The following GOLM2 variants were observed in gnomAD, a reference collection of about 807,000 sequenced individuals.
The protein encoded by GOLM2 is protein GOLM2.
A neutral mutation model predicts 55.9 loss-of-function variants in GOLM2; 26 were observed. The observed-to-expected ratio is 0.47, with a 90% CI of 0.34 to 0.65. The LOEUF (loss-of-function observed/expected upper bound fraction) is 0.65, where lower values mean the gene tolerates loss of function less well. Among genes scored for constraint, GOLM2 ranks in the 30% least tolerant of loss-of-function variants. The pLI is 0.01. For synonymous variants in GOLM2, 165 were observed against 194.6 expected, an observed-to-expected ratio of 0.85 and a Z score of 1.27; for missense variants, 486 against 531.8, an observed-to-expected ratio of 0.91 and a Z score of 0.85.
intron 6 of GOLM2, among the ~76,000 whole-genome samples, chr15:44,340,204 C>A (rs142878093): frequency 5.3e-4 from 81 of 152,166 alleles, no homozygotes; most frequent in African/African-American, 1.9e-3. Flanking sequence ...CGTGATCCTC[C>A]CAAAGTGCTA....
chr15:44,318,103 C>A (rs1425681693), intron 1 of GOLM2, among the ~76,000 whole-genome samples: 2 of 152,184 alleles, frequency 1.3e-5, no homozygotes, highest in Non-Finnish European at 2.9e-5. Context: ...CAGCCACATA[C>A]AATATGTAAA....
rs1002270441 is a variant in GOLM2 at position 44,383,223 on chromosome 15, G to A, written c.1072+2247G>A. On this transcript the variant is annotated intron_variant, in intron 8 of 9. Coordinates refer to ENST00000299957, the MANE Select transcript of GOLM2 (RefSeq NM_138423.4). ...CTCCTCTCATTGTTTAGATCATTTC[G>A]TATTTTCTCATTGTAGCTGTCATGA... 7.3e-4 allele frequency among the ~76,000 whole-genome samples: 110 copies of A among 151,656 alleles called. 1 individual carries two copies. Among genetic ancestry groups the A allele is most frequent in the Middle Eastern group, 3.4e-3 (1 of 292 alleles).
chr15:44,342,166 C>G (rs757631736), intron 6 of GOLM2, among the ~76,000 whole-genome samples: 8 of 151,580 alleles, frequency 5.3e-5, no homozygotes, highest in South Asian at 2.1e-4. Context: ...GTAAATTGAT[C>G]GTTAATGTAA....
chr15:44,325,527 C>T (rs1273062372), intron 2 of GOLM2, among the ~76,000 whole-genome samples: 1 of 152,154 alleles, frequency 6.6e-6, no homozygotes, highest in Non-Finnish European at 1.5e-5. Context: ...TACAGCATAG[C>T]CTGAATCAGA....
In GOLM2 at chr15:44,380,799, G is replaced by A; in HGVS notation, c.902-7G>A. Reference sequence around the variant, plus strand: ...TATTCTTTTAATTTGATGTTTTTATGCCACAGATTCACACATAAACCACAA... The same window carrying A: ...TATTCTTTTAATTTGATGTTTTTATACCACAGATTCACACATAAACCACAA... On this transcript the variant is annotated splice_region_variant and splice_polypyrimidine_tract_variant and intron_variant, in intron 7 of 9. Transcript: ENST00000299957. 1 of 1,462,706 alleles carries A rather than the reference G, an allele frequency of 6.8e-7. No homozygotes were observed. The allele number at this position is 1,462,706 out of a possible 1,614,324, so 90.6% of individuals were successfully genotyped here.
intron 9 of GOLM2, among the ~76,000 whole-genome samples, chr15:44,409,343 T>C (rs1217315649): frequency 1.3e-5 from 2 of 150,074 alleles, no homozygotes; most frequent in Non-Finnish European, 3.0e-5. Flanking sequence ...ATCTAGCACT[T>C]TGGGAGGCCG....
intron 9 of GOLM2, 48 bp from the exon 10 acceptor site, chr15:44,413,288 C>A (rs1329275431): frequency 7.4e-7 from 1 of 1,359,632 alleles, no homozygotes; most frequent in Non-Finnish European, 1.0e-6. Flanking sequence ...TGGATTTCTG[C>A]AGTGATTTAA....
At chr15:44,315,401 C>T (rs1390725751) in intron 1 of GOLM2, among the ~76,000 whole-genome samples, 2 of 152,094 alleles carry the variant, frequency 1.3e-5, no homozygotes, top group Non-Finnish European at 1.5e-5. Context: ...TCAAGGTTCC[C>T]CCAAATGGAA....
chr15:44,379,912 TA>T lies in GOLM2; in HGVS notation c.901+125del, dbSNP rs1056508677. The T allele has an allele frequency of 4.8e-5, 24 of 499,996 alleles. No individual in the cohort carries two copies. The Admixed American group carries it at 6.2e-4, about 13-fold the overall frequency. 31.0% of individuals were successfully genotyped at this position (499,996 alleles called of 1,614,324 possible). Reference sequence around the variant, plus strand: ...TAGCATTTATTCTTTGAGGTAATGTTATTTTTTTTTAGACTAGTAAAAGCAG... The same window carrying T: ...TAGCATTTATTCTTTGAGGTAATGTTTTTTTTTTTAGACTAGTAAAAGCAG... On this transcript the variant is annotated intron_variant, in intron 7 of 9. Transcript: ENST00000299957.
intron 4 of GOLM2, among the ~76,000 whole-genome samples, chr15:44,336,931 TA>T (rs562884427): frequency 9.3e-5 from 14 of 151,334 alleles, no homozygotes; most frequent in East Asian, 1.9e-4. Context: ...TAAATAATAA[TA>T]AAAAAAAATA....
chr15:44,353,856 G>A (rs1458073724), intron 6 of GOLM2, among the ~76,000 whole-genome samples: 1 of 152,066 alleles, frequency 6.6e-6, no homozygotes, highest in Non-Finnish European at 1.5e-5. Flanking sequence ...AATGAACAAG[G>A]TCTGGTATTT....
At chr15:44,385,298 C>A (rs902668682) in intron 8 of GOLM2, among the ~76,000 whole-genome samples, 21 of 151,856 alleles carry the variant, frequency 1.4e-4, no homozygotes, top group Non-Finnish European at 2.6e-4. Context: ...CCACCAGCAA[C>A]GTATAAGAGT....
At position 44,318,812 on chromosome 15, in the gene GOLM2, C is replaced by G. The variant is rs1193359897; in HGVS notation, c.328-4153C>G. Reference sequence around the variant, plus strand: ...GATGAATCCATGTTTCTTGGAAGACCCTTCATAATTGTGAACCTTACTTAC... The same window carrying G: ...GATGAATCCATGTTTCTTGGAAGACGCTTCATAATTGTGAACCTTACTTAC... On this transcript the variant is annotated intron_variant, in intron 1 of 9. Coordinates refer to ENST00000299957, the MANE Select transcript of GOLM2 (RefSeq NM_138423.4). Among the ~76,000 whole-genome samples, 8 of 152,046 alleles carry G rather than the reference C, an allele frequency of 5.3e-5. No individual in the cohort carries two copies. In the South Asian group the frequency reaches 1.7e-3, roughly 32 times the overall value.
intron 7 of GOLM2, among the ~76,000 whole-genome samples, 162 bp from the exon 8 acceptor site, chr15:44,380,644 A>T (rs1021195139): frequency 3.3e-5 from 5 of 152,048 alleles, no homozygotes; most frequent in African/African-American, 1.2e-4. Context: ...ATACTTGATT[A>T]AAGAAATGAG....
chr15:44,314,821 C>T (rs1046338335), intron 1 of GOLM2, among the ~76,000 whole-genome samples: 8 of 152,136 alleles, frequency 5.3e-5, no homozygotes, highest in African/African-American at 1.9e-4. Flanking sequence ...AGGTATATGA[C>T]TGAGGACACA....
intron 4 of GOLM2, among the ~76,000 whole-genome samples, chr15:44,335,019 G>A (rs2079047109): frequency 6.6e-6 from 1 of 152,028 alleles, no homozygotes; most frequent in South Asian, 2.1e-4. Flanking sequence ...AGCAGAACGA[G>A]ACTACATCTC....
chr15:44,305,821 C>A (rs1458702381), intron 1 of GOLM2, among the ~76,000 whole-genome samples: 1 of 152,168 alleles, frequency 6.6e-6, no homozygotes, highest in Non-Finnish European at 1.5e-5. Context: ...CATCAGAGAT[C>A]TTGGGTGACC....
intron 8 of GOLM2, among the ~76,000 whole-genome samples, chr15:44,383,897 T>C (rs1419068186): frequency 2.0e-5 from 3 of 152,164 alleles, no homozygotes; most frequent in Admixed American, 2.0e-4. Flanking sequence ...CAGACTGGTA[T>C]TGAACTCCTG....
In GOLM2 at chr15:44,289,003, C is replaced by T. The variant is rs572780281; in HGVS notation, c.-27C>T. On this transcript the variant is annotated 5_prime_UTR_variant, in exon 1 of 10. Transcript: ENST00000299957. The surrounding 1 kb of genome is among the most constrained non-coding windows in gnomAD (Gnocchi z 4.8). ...TGCCTGCAGGTGTCTGCGGCGAGGC[C>T]CCTAGGGTACAGCCCGATTTGGCCC... The T allele has an allele frequency of 1.1e-4, 182 of 1,596,556 alleles. 1 individual carries two copies. In the South Asian group the frequency reaches 2.0e-3, roughly 17 times the overall value.
Sources: gnomAD v4.1 joint callset for allele counts (sites outside exome capture counted in the v4.1 genomes callset) on GRCh38, gnomAD v4.1.1 for gene constraint, Gnocchi (gnomAD v3.1) non-coding constraint, MANE v1.5 for transcripts, NCBI Gene and HGNC (gene_info 2026-07-23, HGNC 2026-07-21) for gene names.